DLEU7: variants seen among roughly 807,000 people sequenced by gnomAD.
The protein encoded by DLEU7 is leukemia-associated protein 7.
DLEU7 carries 17 observed loss-of-function variants against 16.0 expected under a neutral mutation model. The observed-to-expected ratio is 1.06, with a 90% CI of 0.73 to 1.59. The LOEUF is 1.59. Ranked by LOEUF, DLEU7 falls within the 40% of genes most tolerant of loss-of-function variation. DLEU7 has a pLI of 0.00. For missense variants in DLEU7, 308 were observed against 314.9 expected (o/e 0.98, Z 0.17); for synonymous variants, 113 against 139.8 (o/e 0.81, Z 1.35).
At chr13:50,818,651 A>G, downstream of DLEU7, 1 of 152,146 alleles carries the variant, frequency 6.6e-6, no homozygotes, top group Non-Finnish European at 1.5e-5. Flanking sequence ...GGCTTCTAAC[A>G]ATGGAAATGT....
chr13:50,794,480 T>C (rs1369714189), intron 1 of DLEU7, among the ~76,000 whole-genome samples: 1 of 152,136 alleles, frequency 6.6e-6, no homozygotes, highest in Admixed American at 6.6e-5. Context: ...GGACATAAAA[T>C]TCAGGGCTTC....
At chr13:50,814,843 G>T (rs1876682858) in intron 1 of DLEU7, among the ~76,000 whole-genome samples, 2 of 150,420 alleles carry the variant, frequency 1.3e-5, no homozygotes, top group African/African-American at 4.9e-5. Context: ...TAACAGTACT[G>T]TACCAATGTA....
intron 1 of DLEU7, among the ~76,000 whole-genome samples, chr13:50,725,386 G>A (rs1873737944): frequency 6.6e-6 from 1 of 152,162 alleles, no homozygotes; most frequent in South Asian, 2.1e-4. Context: ...GAGGATGAGA[G>A]GCTGTGCACT....
intron 1 of DLEU7, among the ~76,000 whole-genome samples, chr13:50,767,414 C>G (rs989303891): frequency 3.8e-4 from 56 of 147,634 alleles, no homozygotes; most frequent in Non-Finnish European, 7.0e-4. Flanking sequence ...CGAGATCGCG[C>G]CACTGCACTC....
At chr13:50,804,873 T>C (rs1876346756) in intron 1 of DLEU7, among the ~76,000 whole-genome samples, 1 of 143,018 alleles carries the variant, frequency 7.0e-6, no homozygotes, top group Admixed American at 6.9e-5. Flanking sequence ...GGAAGGATGA[T>C]GATTGTATAT....
intron 1 of DLEU7, among the ~76,000 whole-genome samples, chr13:50,841,432 C>T (rs1349874933): frequency 1.2e-4 from 18 of 152,098 alleles, no homozygotes; most frequent in Admixed American, 1.2e-3. Context: ...GAGAAGCCTT[C>T]CAGGGTCACC....
intron 1 of DLEU7, among the ~76,000 whole-genome samples, chr13:50,826,150 C>A (rs1315172858): frequency 6.6e-6 from 1 of 151,926 alleles, no homozygotes; most frequent in East Asian, 1.9e-4. Flanking sequence ...GGTTTGTGCT[C>A]CTATGAGAAT....
chr13:50,757,610 T>C (rs914575635), intron 1 of DLEU7, among the ~76,000 whole-genome samples: 1 of 152,240 alleles, frequency 6.6e-6, no homozygotes, highest in Non-Finnish European at 1.5e-5. Flanking sequence ...TTCGTCATGC[T>C]TGTTACTGCA....
intron 1 of DLEU7, among the ~76,000 whole-genome samples, chr13:50,804,043 T>C (rs1331158766): frequency 6.6e-6 from 1 of 152,150 alleles, no homozygotes; most frequent in East Asian, 1.9e-4. Context: ...TAGAATCCAA[T>C]ATTAATTTTT....
At chr13:50,721,689 A>G (rs1005063532) in intron 1 of DLEU7, among the ~76,000 whole-genome samples, 2 of 152,220 alleles carry the variant, frequency 1.3e-5, no homozygotes, top group Non-Finnish European at 2.9e-5. Context: ...AACAGAACTG[A>G]AAACTCAAGC....
chr13:50,787,000 G>A (rs1310316546), intron 1 of DLEU7, among the ~76,000 whole-genome samples: 3 of 152,154 alleles, frequency 2.0e-5, no homozygotes, highest in Non-Finnish European at 4.4e-5. Flanking sequence ...GAGTGATGAG[G>A]TAAATCAAGG....
chr13:50,752,385 A>G (rs1874596326), intron 1 of DLEU7, among the ~76,000 whole-genome samples: 2 of 151,834 alleles, frequency 1.3e-5, no homozygotes, highest in Non-Finnish European at 2.9e-5. Flanking sequence ...GTTTAGGGCT[A>G]TGAACTTTCC....
intron 1 of DLEU7, among the ~76,000 whole-genome samples, chr13:50,718,307 A>G (rs1261293003): frequency 6.6e-6 from 1 of 152,228 alleles, no homozygotes; most frequent in East Asian, 1.9e-4. Context: ...TCCAAAGAAA[A>G]GGCTTTGAGA....
At chr13:50,779,136 T>C (rs973953738) in intron 1 of DLEU7, among the ~76,000 whole-genome samples, 1 of 152,194 alleles carries the variant, frequency 6.6e-6, no homozygotes, top group Admixed American at 6.5e-5. Flanking sequence ...CACAGCACGT[T>C]GTACAGCCAG....
At chr13:50,769,648 T>A (rs1008066718) in intron 1 of DLEU7, among the ~76,000 whole-genome samples, 12 of 152,116 alleles carry the variant, frequency 7.9e-5, no homozygotes, top group African/African-American at 2.7e-4. Context: ...TGGTCTATAT[T>A]TCTGTTTTGG....
intron 1 of DLEU7, among the ~76,000 whole-genome samples, chr13:50,800,554 C>T (rs1246022159): frequency 6.6e-6 from 1 of 151,992 alleles, no homozygotes; most frequent in Non-Finnish European, 1.5e-5. Flanking sequence ...CCTAGGCTGC[C>T]CTTTGAGGAA....
chr13:50,815,320 G>A (rs190096615), intron 1 of DLEU7, among the ~76,000 whole-genome samples: 24 of 151,766 alleles, frequency 1.6e-4, no homozygotes, highest in East Asian at 1.5e-3. Context: ...AACCATTGTC[G>A]ACAGAAAAAT....
At chr13:50,790,019 G>A (rs1051687245) in intron 1 of DLEU7, among the ~76,000 whole-genome samples, 7 of 148,468 alleles carry the variant, frequency 4.7e-5, no homozygotes, top group African/African-American at 1.2e-4. Flanking sequence ...TGCAACCTCC[G>A]CCTCCCAGGT....
In DLEU7 at chr13:50,811,423, A is replaced by G. The variant is rs1381861720; in HGVS notation, c.459+31765T>C. Among the ~76,000 whole-genome samples the G allele has an allele frequency of 7.9e-5, 12 of 152,232 alleles. No homozygotes were observed. The East Asian group carries it at 2.1e-3, about 27-fold the overall frequency. On this transcript the variant is annotated intron_variant, in intron 1 of 1. Coordinates refer to the DLEU7 transcript ENST00000400393. ...GGCTTTACTGAGAGCTTTCTCCTCT[A>G]TATAGCACTCCTATCTATTAAATAG...
Sources: allele counts gnomAD v4.1 joint callset (sites outside exome capture counted in the v4.1 genomes callset), GRCh38; gene constraint gnomAD v4.1.1; transcripts MANE v1.5; gene names NCBI Gene and HGNC (gene_info 2026-07-23, HGNC 2026-07-21).